The following HUWE1 variants were observed in gnomAD, a reference collection of about 807,000 sequenced individuals.
HUWE1 encodes HECT, UBA and WWE domain containing E3 ubiquitin protein ligase 1.
In HUWE1, 18 loss-of-function variants were observed where a neutral mutation model predicts 299.4. The ratio of observed to expected loss-of-function variants is 0.06; its 90% CI spans 0.04 to 0.09. The LOEUF is 0.09. Among genes scored for constraint, HUWE1 ranks in the 10% least tolerant of loss-of-function variants. The pLI, the probability that HUWE1 is intolerant of heterozygous loss-of-function variation, is 1.00. For synonymous variants in HUWE1, 1,317 were observed against 1,286.1 expected (o/e 1.02, Z -0.51); for missense variants, 1,832 against 3,462.3 (o/e 0.53, Z 11.82).
chrX:53,667,132 C>CA (rs1431569367), intron 3 of HUWE1, among the ~76,000 whole-genome samples: 1 of 111,647 alleles, frequency 9.0e-6, no homozygotes, highest in Non-Finnish European at 1.9e-5. Context: ...AGTCAATACA[C>CA]AAAAAAAGAG....
At chrX:53,582,927 G>T (rs1408383937) in intron 42 of HUWE1, among the ~76,000 whole-genome samples, 2 of 111,691 alleles carry the variant, frequency 1.8e-5, no homozygotes, top group East Asian at 5.6e-4. Context: ...TGATTTACCT[G>T]CCTCCCAAAG....
intron 74 of HUWE1, among the ~76,000 whole-genome samples, chrX:53,540,088 T>C (rs1319845382): frequency 8.9e-6 from 1 of 112,553 alleles, no homozygotes; most frequent in Non-Finnish European, 1.9e-5. Flanking sequence ...CAGATCCAGA[T>C]AGTGCTAGTC....
intron 28 of HUWE1, 58 bp from the exon 29 acceptor site, chrX:53,600,367 C>T: frequency 1.1e-6 from 1 of 873,919 alleles, no homozygotes; most frequent in Admixed American, 2.6e-5. Flanking sequence ...TTACCTGGTT[C>T]CTTGAGAAGT....
intron 16 of HUWE1, 33 bp downstream of exon 16, chrX:53,627,706 A>G (rs1557019138): frequency 1.3e-5 from 15 of 1,157,707 alleles, no homozygotes; most frequent in Non-Finnish European, 1.7e-5. Flanking sequence ...TGAGTATTAA[A>G]TTCTGTGCAA....
chrX:53,631,636 G>C (rs375749632), intron 9 of HUWE1, 22 bp from the exon 10 acceptor site: 37 of 1,101,790 alleles, frequency 3.4e-5, no homozygotes, highest in Non-Finnish European at 4.5e-5. Context: ...AAAGACAAGA[G>C]AGCTGTAAGG....
At chrX:53,676,168 C>T (rs2069811484) in intron 3 of HUWE1, among the ~76,000 whole-genome samples, 1 of 112,044 alleles carries the variant, frequency 8.9e-6, no homozygotes, top group Non-Finnish European at 1.9e-5. Flanking sequence ...CACCTCTGAG[C>T]TGTTGAAGGA....
At chrX:53,592,308 C>A in intron 33 of HUWE1, 90 bp downstream of exon 33, 1 of 633,254 alleles carries the variant, frequency 1.6e-6, no homozygotes, top group Non-Finnish European at 2.7e-6. Context: ...TGACCAGGGA[C>A]TCAGTGGTAT....
intron 42 of HUWE1, 139 bp downstream of exon 42, chrX:53,583,419 A>C (rs931513363): frequency 7.6e-5 from 38 of 497,260 alleles, no homozygotes; most frequent in Non-Finnish European, 1.2e-4. Flanking sequence ...AGAGTTGGAA[A>C]ATTCTGTTGG....
At chrX:53,578,067 A>T (rs1422735645) in intron 43 of HUWE1, among the ~76,000 whole-genome samples, 1 of 99,818 alleles carries the variant, frequency 1.0e-5, no homozygotes, top group Admixed American at 1.0e-4. Context: ...CATCCCATCT[A>T]GGAAGGGAGG....
At chrX:53,645,249 C>G in intron 7 of HUWE1, 62 bp downstream of exon 7, 1 of 1,110,479 alleles carries the variant, frequency 9.0e-7, no homozygotes, top group African/African-American at 1.8e-5. Context: ...CAAGAAACAC[C>G]TGTTGAAAGG....
intron 3 of HUWE1, among the ~76,000 whole-genome samples, chrX:53,668,975 A>C (rs782374893): frequency 8.9e-6 from 1 of 112,625 alleles, no homozygotes; most frequent in South Asian, 3.6e-4. Flanking sequence ...GCAAAAGGTA[A>C]ACAGTCTACT....
At chrX:53,535,148 T>A (rs1291267848) in intron 81 of HUWE1, among the ~76,000 whole-genome samples, 1 of 111,313 alleles carries the variant, frequency 9.0e-6, no homozygotes, top group South Asian at 3.8e-4. Flanking sequence ...TTGGCCAGGC[T>A]GGTCTCAAAC....
At position 53,559,604 on chromosome X, in the gene HUWE1, C is replaced by T. The variant is rs5933596; in HGVS notation, c.7737-72G>A. The T allele has an allele frequency of 0.015, 12,843 of 842,452 alleles. 87 individuals carry two copies. Among genetic ancestry groups the T allele is most frequent in the Non-Finnish European group, 0.019 (10,729 of 573,534 alleles). The allele number at this position is 842,452 out of a possible 1,213,427, so 69.4% of individuals were successfully genotyped here. ...GCCCTGCAACCTGTTACCATGAGAT[C>T]CTCTTCATGCATCCTCTATTAAATG... On this transcript the variant is annotated intron_variant, in intron 56 of 83. Coordinates refer to ENST00000262854, the MANE Select transcript of HUWE1 (RefSeq NM_031407.7).
chrX:53,610,120 G>A (rs910772280), intron 23 of HUWE1, among the ~76,000 whole-genome samples: 2 of 111,491 alleles, frequency 1.8e-5, no homozygotes, highest in Non-Finnish European at 3.8e-5. Context: ...AACCACTGCA[G>A]CATTCCATGT....
intron 7 of HUWE1, among the ~76,000 whole-genome samples, chrX:53,640,923 A>G (rs198508): frequency 0.36 from 39,554 of 111,081 alleles, 5,854 homozygotes; most frequent in South Asian, 0.51. Context: ...TAGTGTGTTT[A>G]TATCAGCCTA....
chrX:53,684,710 G>A (rs1557055058), intron 2 of HUWE1, among the ~76,000 whole-genome samples: 1 of 111,906 alleles, frequency 8.9e-6, no homozygotes, highest in African/African-American at 3.3e-5. Context: ...CTCACAGTAA[G>A]CACACAAATG....
intron 2 of HUWE1, chrX:53,680,542 T>C (rs193207082): frequency 7.9e-5 from 9 of 113,714 alleles, no homozygotes; most frequent in African/African-American, 2.6e-4. Flanking sequence ...ACTGTACATA[T>C]AAAAATTATT....
chrX:53,625,382 T>G (rs2066416266), intron 17 of HUWE1, 124 bp from the exon 18 acceptor site: 1 of 502,011 alleles, frequency 2.0e-6, no homozygotes, highest in African/African-American at 2.3e-5. Context: ...ACATTCGAAG[T>G]GAGGTCTCTG....
intron 60 of HUWE1, among the ~76,000 whole-genome samples, chrX:53,555,682 C>T (rs1213324942): frequency 2.0e-5 from 2 of 99,475 alleles, no homozygotes; most frequent in African/African-American, 7.6e-5. Context: ...TGCTCTGTTG[C>T]CCAGGCTGGA....
Sources: gnomAD v4.1 joint callset for allele counts (sites outside exome capture counted in the v4.1 genomes callset) on GRCh38, gnomAD v4.1.1 for gene constraint, MANE v1.5 for transcripts, NCBI Gene and HGNC (gene_info 2026-07-23, HGNC 2026-07-21) for gene names.